The following BIRC6 variants were observed in gnomAD, a reference collection of about 807,000 sequenced individuals.
The protein encoded by BIRC6 is dual E2 ubiquitin-conjugating enzyme/E3 ubiquitin-protein ligase BIRC6.
Under a neutral mutation model 503.3 loss-of-function variants are expected in BIRC6, and 98 were observed. The ratio of observed to expected loss-of-function variants is 0.19; its 90% CI spans 0.17 to 0.23. BIRC6 has a LOEUF of 0.23. BIRC6 is among the 10% of genes least tolerant of loss of function. BIRC6 has a pLI of 1.00. For missense variants in BIRC6, 5,360 were observed against 5,806.0 expected, an observed-to-expected ratio of 0.92 and a Z score of 2.50; for synonymous variants, 2,240 against 2,078.7, an observed-to-expected ratio of 1.08 and a Z score of -2.11.
In BIRC6 at chr2:32,618,723, A is replaced by T. The variant is rs539881029; in HGVS notation, c.*819A>T. On this transcript the variant is annotated 3_prime_UTR_variant, in exon 74 of 74. Transcript: ENST00000421745. ...CTTTTTTCCTGGACTATGTGGTTTT[A>T]TGACTAAAGTCACATGTATGTATTA... 1.3e-5 allele frequency: 2 copies of T among 152,230 alleles called. No individual in the cohort carries two copies. Among genetic ancestry groups the T allele is most frequent in the African/African-American group, 4.8e-5 (2 of 41,338 alleles). 9.4% of individuals were successfully genotyped at this position (152,230 alleles called of 1,614,324 possible). A position where few individuals can be genotyped will look rare whatever the true frequency, so the allele number is the denominator to read the frequency against.
rs556617059 is a variant in BIRC6 at position 32,448,778 on chromosome 2, A to G, written c.4485-17A>G. The G allele has an allele frequency of 1.9e-6, 3 of 1,587,490 alleles. 1 individual carries two copies. The highest frequency in any genetic ancestry group is 2.7e-5 in the African/African-American group (2 of 73,260). ...TGGCTGAAAGGAAAATTGTTAGTGC[A>G]TTATTTTATTTTTCAGATATGGATT... On this transcript the variant is annotated splice_polypyrimidine_tract_variant and intron_variant, in intron 21 of 73. Transcript: ENST00000421745.
At chr2:32,470,971 A>G (rs1195750142) in intron 31 of BIRC6, 43 bp from the exon 32 acceptor site, 4 of 1,543,986 alleles carry the variant, frequency 2.6e-6, no homozygotes, top group Non-Finnish European at 3.5e-6. Flanking sequence ...TAGGAATCCT[A>G]AAGTCATCTG....
chr2:32,465,027 C>A (rs1167174212), intron 25 of BIRC6, 38 bp from the exon 26 acceptor site: 3 of 1,368,038 alleles, frequency 2.2e-6, no homozygotes, highest in East Asian at 2.5e-5. Context: ...ATAGTAATAT[C>A]AATATAAAGT....
At chr2:32,444,365 C>G (rs1033389278) in intron 20 of BIRC6, among the ~76,000 whole-genome samples, 1 of 151,960 alleles carries the variant, frequency 6.6e-6, no homozygotes, top group Non-Finnish European at 1.5e-5. Flanking sequence ...CATATACCCC[C>G]TATATATGTG....
chr2:32,487,583 A>G, intron 40 of BIRC6, 64 bp from the exon 41 acceptor site: 1 of 1,431,040 alleles, frequency 7.0e-7, no homozygotes, highest in Non-Finnish European at 9.7e-7. Flanking sequence ...TATACATATG[A>G]ATAACCAGTT....
intron 33 of BIRC6, among the ~76,000 whole-genome samples, chr2:32,475,159 T>TAAAAA (rs11394641): frequency 4.1e-4 from 47 of 114,216 alleles, no homozygotes; most frequent in African/African-American, 1.6e-3. Context: ...AAGACTATCT[T>TAAAAA]AAAAAAAAAA....
In BIRC6 at chr2:32,415,367, A is replaced by C; in HGVS notation, c.2076A>C (p.Ala692=). 1 of 1,614,062 alleles carries C rather than the reference A, an allele frequency of 6.2e-7. No homozygotes were observed. Among genetic ancestry groups the C allele is most frequent in the Non-Finnish European group, 8.5e-7 (1 of 1,179,904 alleles). ...DPPVTYIQQF[A]DAAANLTSPD... ...CTGTGACTTACATTCAGCAATTTGC[A>C]GATGCAGCAGCCAACCTTACCTCTC... Residue 692 remains alanine (A), a synonymous_variant, in exon 10 of 74, where the codon GCA becomes GCC. Transcript: ENST00000421745.
intron 65 of BIRC6, among the ~76,000 whole-genome samples, chr2:32,550,072 C>G (rs2058323854): frequency 1.3e-5 from 2 of 152,084 alleles, no homozygotes; most frequent in Non-Finnish European, 1.5e-5. Context: ...GTTACATGTT[C>G]AGAAATGTAT....
chr2:32,487,556 A>G lies in BIRC6; in HGVS notation c.7814-91A>G, dbSNP rs995299972. The G allele has an allele frequency of 6.8e-6, 8 of 1,179,976 alleles. No individual in the cohort carries two copies. The Admixed American group carries it at 9.1e-5, about 13-fold the overall frequency. 73.1% of individuals were successfully genotyped at this position (1,179,976 alleles called of 1,614,324 possible). ...TAAAGAATGCAGTTTTAATTTTTAA[A>G]AACAATTTAACCTATTTATACATAT... On this transcript the variant is annotated intron_variant, in intron 40 of 73. Transcript: ENST00000421745.
At chr2:32,404,066 C>T (rs914436070) in intron 8 of BIRC6, among the ~76,000 whole-genome samples, 30 of 151,310 alleles carry the variant, frequency 2.0e-4, no homozygotes, top group African/African-American at 6.1e-4. Flanking sequence ...GTAGCTGGGA[C>T]TACAGGTGCC....
At chr2:32,540,687 C>T (rs1164105199) in intron 61 of BIRC6, among the ~76,000 whole-genome samples, 1 of 151,878 alleles carries the variant, frequency 6.6e-6, no homozygotes, top group East Asian at 1.9e-4. Flanking sequence ...AGTTTATATT[C>T]TACTGTTTGG....
chr2:32,397,778 C>T (rs2040134394), intron 6 of BIRC6, among the ~76,000 whole-genome samples: 1 of 151,606 alleles, frequency 6.6e-6, no homozygotes, highest in Non-Finnish European at 1.5e-5. Context: ...AGTTATTTAA[C>T]CTATACCTGA....
At chr2:32,508,724 T>A (rs543962738) in intron 51 of BIRC6, among the ~76,000 whole-genome samples, 90 of 152,242 alleles carry the variant, frequency 5.9e-4, no homozygotes, top group Middle Eastern at 3.4e-3. Flanking sequence ...TTAATCAACA[T>A]TTTTCTGATA....
rs752969494 is a variant in BIRC6, at chr2:32,502,899, A to G, written c.9304+8A>G. 1.3e-5 allele frequency: 21 copies of G among 1,584,804 alleles called. No homozygotes were observed. The highest frequency in any genetic ancestry group is 1.8e-5 in the Admixed American group (1 of 56,670). ...AAGCATTTCATGATATGGGTAAGAT[A>G]ATATTTCAATAACTATCATTTAAGT... is the stretch of plus-strand genomic sequence containing the variant. On this transcript the variant is annotated splice_region_variant and intron_variant, in intron 48 of 73. Coordinates refer to ENST00000421745, the MANE Select transcript of BIRC6 (RefSeq NM_016252.4).
At chr2:32,364,758 GTT>G (rs368564629) in intron 1 of BIRC6, among the ~76,000 whole-genome samples, 1 of 135,030 alleles carries the variant, frequency 7.4e-6, no homozygotes, top group African/African-American at 2.7e-5. Flanking sequence ...TAGATCGGGT[GTT>G]TTTTTTTTTT....
At chr2:32,423,768 T>C (rs562887924) in intron 10 of BIRC6, among the ~76,000 whole-genome samples, 2 of 152,036 alleles carry the variant, frequency 1.3e-5, no homozygotes, top group African/African-American at 4.8e-5. Context: ...AAATCAACAA[T>C]TGATAATTAT....
rs1239515308 is a variant in BIRC6, at chr2:32,574,872, C to T, written c.13145-284C>T. 2.5e-5 allele frequency: 10 copies of T among 400,546 alleles called. No individual in the cohort carries two copies. In the Admixed American group the frequency reaches 3.4e-4, roughly 14 times the overall value. The allele number at this position is 400,546 out of a possible 1,614,324, so 24.8% of individuals were successfully genotyped here. A position where few individuals can be genotyped will look rare whatever the true frequency, so the allele number is the denominator to read the frequency against. The stretch of plus-strand genomic sequence containing the variant: ...CAAACAGTTCTCCTGCCTCAGCCTC[C>T]GAGTAGCTGAGATTACAGGCATGCG... On this transcript the variant is annotated intron_variant, in intron 65 of 73. Coordinates refer to ENST00000421745, the MANE Select transcript of BIRC6 (RefSeq NM_016252.4).
chr2:32,406,008 T>C (rs1214777479), intron 8 of BIRC6, among the ~76,000 whole-genome samples: 1 of 152,206 alleles, frequency 6.6e-6, no homozygotes, highest in Non-Finnish European at 1.5e-5. Flanking sequence ...TTGTCAGTGT[T>C]GTTAATCAGT....
chr2:32,462,280 T>C (rs191298240), intron 23 of BIRC6, among the ~76,000 whole-genome samples: 6 of 152,364 alleles, frequency 3.9e-5, no homozygotes, highest in East Asian at 1.9e-4. Context: ...TGCTGACATA[T>C]TGGATTAAGT....
Sources: gnomAD v4.1 joint callset for allele counts (sites outside exome capture counted in the v4.1 genomes callset) on GRCh38, gnomAD v4.1.1 for gene constraint, MANE v1.5 for transcripts, NCBI Gene and HGNC (gene_info 2026-07-23, HGNC 2026-07-21) for gene names.